SGCZ: variants seen among roughly 807,000 people sequenced by gnomAD.
SGCZ encodes the protein zeta-sarcoglycan.
SGCZ carries 40 observed loss-of-function variants against 41.3 expected under a neutral mutation model. The observed-to-expected ratio is 0.97, with a 90% CI of 0.75 to 1.26. SGCZ has a LOEUF of 1.26. Among genes scored for constraint, SGCZ ranks in the 50% most tolerant of loss-of-function variants. The pLI, the probability that SGCZ is intolerant of heterozygous loss-of-function variation, is 0.00. For synonymous variants in SGCZ, 206 were observed against 137.5 expected (o/e 1.50, Z -3.49); for missense variants, 552 against 369.8 (o/e 1.49, Z -4.04).
chr8:14,632,204 A>T (rs1326090498), intron 1 of SGCZ, among the ~76,000 whole-genome samples: 1 of 151,592 alleles, frequency 6.6e-6, no homozygotes, highest in Non-Finnish European at 1.5e-5. Flanking sequence ...ATTTTTTTTT[A>T]TAGAGACAAG....
chr8:14,236,662 C>A (rs1382148), intron 4 of SGCZ, among the ~76,000 whole-genome samples: 69,980 of 151,120 alleles, frequency 0.46, 16,317 homozygotes, highest in African/African-American at 0.5. Flanking sequence ...CTCTCTCTCT[C>A]TATATATATG....
chr8:14,499,049 C>G (rs547342808), intron 2 of SGCZ, among the ~76,000 whole-genome samples: 13 of 151,866 alleles, frequency 8.6e-5, no homozygotes, highest in East Asian at 3.9e-4. Flanking sequence ...CTGGTTTGAT[C>G]TTCTCCATTT....
chr8:14,562,778 A>T (rs941291977), intron 1 of SGCZ, among the ~76,000 whole-genome samples: 4 of 152,170 alleles, frequency 2.6e-5, no homozygotes, highest in African/African-American at 9.7e-5. Flanking sequence ...TAAACCCACG[A>T]CCAATACCAA....
chr8:14,545,847 T>C (rs1307933801), intron 2 of SGCZ, among the ~76,000 whole-genome samples: 5 of 152,354 alleles, frequency 3.3e-5, no homozygotes, highest in Non-Finnish European at 5.9e-5. Context: ...GCAACATTTC[T>C]AGTACTCTAA....
rs1220417792 is a variant in SGCZ, at chr8:14,776,822, C to CAA, written c.40-221898_40-221897dup. Among the ~76,000 whole-genome samples, 3 of 152,128 alleles carry CAA rather than the reference C, an allele frequency of 2.0e-5. No individual in the cohort carries two copies. In the East Asian group the frequency reaches 5.8e-4, roughly 29 times the overall value. ...CTAATACACTTTTCAAAGAAAAGAT[C>CAA]AAAAAGTAGAAATGGTTAAACTCTT... On this transcript the variant is annotated intron_variant, in intron 1 of 7. Coordinates refer to ENST00000382080, the MANE Select transcript of SGCZ (RefSeq NM_139167.4).
At chr8:15,160,928 GCAGCCACTAC>G (rs1554469030) in intron 1 of SGCZ, among the ~76,000 whole-genome samples, 1 of 152,170 alleles carries the variant, frequency 6.6e-6, no homozygotes, top group Non-Finnish European at 1.5e-5. Context: ...AATCTGGTGT[GCAGCCACTAC>G]AGTGGCTGGT....
intron 4 of SGCZ, among the ~76,000 whole-genome samples, chr8:14,236,459 C>G (rs1032718649): frequency 6.6e-6 from 1 of 151,716 alleles, no homozygotes; most frequent in African/African-American, 2.4e-5. Context: ...TTAAAAAAAA[C>G]CTACAAATTA....
intron 4 of SGCZ, among the ~76,000 whole-genome samples, chr8:14,222,282 G>A (rs1168536887): frequency 2.0e-5 from 3 of 151,766 alleles, no homozygotes; most frequent in Admixed American, 6.6e-5. Context: ...GCAATTATCT[G>A]CCTCAGCCTC....
At chr8:14,441,888 G>A (rs1800281952) in intron 2 of SGCZ, among the ~76,000 whole-genome samples, 2 of 152,170 alleles carry the variant, frequency 1.3e-5, no homozygotes, top group African/African-American at 2.4e-5. Context: ...TAAAGGCCTG[G>A]GAGAAAAATG....
intron 1 of SGCZ, among the ~76,000 whole-genome samples, chr8:15,075,468 A>G (rs1396269194): frequency 6.6e-6 from 1 of 152,178 alleles, no homozygotes; most frequent in Non-Finnish European, 1.5e-5. Context: ...TTTTAAAGTT[A>G]CATGGTGGCA....
intron 1 of SGCZ, among the ~76,000 whole-genome samples, chr8:14,822,827 T>A (rs4831655): frequency 6.6e-6 from 1 of 151,786 alleles, no homozygotes; most frequent in South Asian, 2.1e-4. Flanking sequence ...AAACTCAAAA[T>A]GAATTCAAGG....
intron 1 of SGCZ, among the ~76,000 whole-genome samples, chr8:14,780,091 C>T (rs962368209): frequency 5.9e-5 from 9 of 151,642 alleles, no homozygotes; most frequent in African/African-American, 2.4e-5. Context: ...TAGAAAAATA[C>T]GGCCGGGCGC....
chr8:14,092,920 T>C (rs1563121165), intron 7 of SGCZ, among the ~76,000 whole-genome samples: 1 of 151,562 alleles, frequency 6.6e-6, no homozygotes, highest in African/African-American at 2.4e-5. Context: ...ATGAAACATA[T>C]TACCTATGTT....
intron 3 of SGCZ, among the ~76,000 whole-genome samples, chr8:14,240,910 A>C (rs993534738): frequency 6.6e-6 from 1 of 152,196 alleles, no homozygotes; most frequent in African/African-American, 2.4e-5. Flanking sequence ...AATGATGAAA[A>C]AATCTTTCAG....
intron 1 of SGCZ, among the ~76,000 whole-genome samples, chr8:14,976,001 C>CATAT (rs145427292): frequency 0.36 from 50,932 of 139,890 alleles, 9,914 homozygotes; most frequent in Non-Finnish European, 0.42. Context: ...TATATATATA[C>CATAT]ATATATATAT....
intron 1 of SGCZ, among the ~76,000 whole-genome samples, chr8:15,131,957 C>A (rs1311735866): frequency 6.6e-6 from 1 of 152,198 alleles, no homozygotes; most frequent in Non-Finnish European, 1.5e-5. Context: ...ATGATAATTA[C>A]TAAGCAACTC....
chr8:14,819,534 G>A (rs938204052), intron 1 of SGCZ, among the ~76,000 whole-genome samples: 4 of 152,052 alleles, frequency 2.6e-5, no homozygotes, highest in African/African-American at 4.8e-5. Flanking sequence ...CAAAACACAT[G>A]AAAGTATGAA....
At chr8:15,197,562 T>G (rs542699443) in intron 1 of SGCZ, among the ~76,000 whole-genome samples, 1 of 152,238 alleles carries the variant, frequency 6.6e-6, no homozygotes, top group East Asian at 1.9e-4. Context: ...TGGAAGAACA[T>G]TAGCTCACAG....
At chr8:14,247,743 C>G (rs1799154157) in intron 3 of SGCZ, among the ~76,000 whole-genome samples, 1 of 152,094 alleles carries the variant, frequency 6.6e-6, no homozygotes, top group Non-Finnish European at 1.5e-5. Flanking sequence ...GTAATGTTGC[C>G]CTCACACCAG....
Sources: gnomAD v4.1 joint callset for allele counts (sites outside exome capture counted in the v4.1 genomes callset) on GRCh38, gnomAD v4.1.1 for gene constraint, MANE v1.5 for transcripts, NCBI Gene and HGNC (gene_info 2026-07-23, HGNC 2026-07-21) for gene names.